The following LRBA variants were observed in gnomAD, a reference collection of about 807,000 sequenced individuals.
The protein encoded by LRBA is LPS responsive beige-like anchor protein.
A neutral mutation model predicts 330.0 loss-of-function variants in LRBA; 176 were observed. The observed-to-expected ratio is 0.53, with a 90% CI of 0.47 to 0.60. The LOEUF is 0.60. Among genes scored for constraint, LRBA ranks in the 20% least tolerant of loss-of-function variants. The pLI is 0.00. For synonymous variants in LRBA, 1,230 were observed against 1,193.0 expected, an observed-to-expected ratio of 1.03 and a Z score of -0.64; for missense variants, 3,259 against 3,444.8, an observed-to-expected ratio of 0.95 and a Z score of 1.35.
Position 150,321,454 on chromosome 4 carries a change from G to A in LRBA, c.7453-86C>T. 8.4e-7 allele frequency: 1 copy of A among 1,188,954 alleles called. No individual in the cohort carries two copies. The highest frequency in any genetic ancestry group is 1.2e-6 in the Non-Finnish European group (1 of 863,778). 73.7% of individuals were successfully genotyped at this position (1,188,954 alleles called of 1,614,324 possible). ...ATGAAGAAAGACAAGAAAGAGAGGG[G>A]GTGCAGGAAAAGAAGAGGAAGACCA... On this transcript the variant is annotated intron_variant, in intron 49 of 56. Transcript: ENST00000651943. The surrounding 1 kb of genome is among the most constrained non-coding windows in gnomAD (Gnocchi z 4.5).
intron 36 of LRBA, among the ~76,000 whole-genome samples, chr4:150,710,305 G>GA (rs1383520215): frequency 2.0e-5 from 3 of 151,978 alleles, no homozygotes; most frequent in Non-Finnish European, 4.4e-5. Context: ...TCTCAGATGG[G>GA]AAAAAATGGA....
chr4:150,959,821 AATAT>A (rs1422464260), intron 2 of LRBA, among the ~76,000 whole-genome samples: 3 of 145,876 alleles, frequency 2.1e-5, no homozygotes, highest in Non-Finnish European at 4.5e-5. Context: ...AAAGTATATA[AATAT>A]ATAAAAGAAT....
At chr4:150,334,254 C>T (rs916250553) in intron 48 of LRBA, among the ~76,000 whole-genome samples, 5 of 151,904 alleles carry the variant, frequency 3.3e-5, no homozygotes, top group Admixed American at 3.3e-4. Flanking sequence ...AAAATGGATA[C>T]ACCAGGATAT....
At chr4:150,524,011 CTTACT>C (rs1367158532) in intron 40 of LRBA, among the ~76,000 whole-genome samples, 1 of 152,082 alleles carries the variant, frequency 6.6e-6, no homozygotes, top group African/African-American at 2.4e-5. Context: ...ATGTTGTTGT[CTTACT>C]TTAGAGAATA....
intron 36 of LRBA, among the ~76,000 whole-genome samples, chr4:150,706,602 A>C (rs1327631184): frequency 6.6e-6 from 1 of 151,534 alleles, no homozygotes; most frequent in Non-Finnish European, 1.5e-5. Flanking sequence ...CATTTAACAA[A>C]AAAAAAAAAT....
chr4:150,842,591 G>T (rs186158309), intron 28 of LRBA, among the ~76,000 whole-genome samples: 97 of 152,246 alleles, frequency 6.4e-4, no homozygotes, highest in African/African-American at 2.3e-3. Flanking sequence ...ACATTCAAAG[G>T]ATTCCAGGGA....
intron 44 of LRBA, among the ~76,000 whole-genome samples, chr4:150,465,817 G>C (rs1755377574): frequency 2.6e-5 from 4 of 152,084 alleles, no homozygotes; most frequent in African/African-American, 9.6e-5. Context: ...AGTAGATATA[G>C]AAACTGGTAC....
chr4:150,833,010 G>A (rs1014374882), intron 28 of LRBA, among the ~76,000 whole-genome samples: 1 of 151,892 alleles, frequency 6.6e-6, no homozygotes, highest in Non-Finnish European at 1.5e-5. Flanking sequence ...TCTTGGCCTC[G>A]AGCAATCCTC....
chr4:150,301,722 A>C lies in LRBA; in HGVS notation c.8017+903T>G, dbSNP rs533616620. 2.6e-5 allele frequency among the ~76,000 whole-genome samples: 4 copies of C among 152,268 alleles called. No individual in the cohort carries two copies. In the South Asian group the frequency reaches 6.2e-4, roughly 24 times the overall value. Reference sequence around the variant, plus strand: ...CAATCTGGGGTGGAGTGACAGAGCAAGGACCGGGTATTCAGGTAAAGTCAT... The same window carrying C: ...CAATCTGGGGTGGAGTGACAGAGCACGGACCGGGTATTCAGGTAAAGTCAT... On this transcript the variant is annotated intron_variant, in intron 53 of 56. Coordinates refer to ENST00000651943, the MANE Select transcript of LRBA (RefSeq NM_001364905.1).
At position 150,958,461 on chromosome 4, in the gene LRBA, G is replaced by T. The variant is rs572301081; in HGVS notation, c.217-29396C>A. ...CCACTTTTTCCTCCCAGGACTCCAG[G>T]CCTGTGATGGGAGGGGCTTCTGTGA... On this transcript the variant is annotated intron_variant, in intron 2 of 56. Transcript: ENST00000651943. Among the ~76,000 whole-genome samples the T allele has an allele frequency of 4.7e-5, 7 of 149,268 alleles. 1 individual carries two copies. Among genetic ancestry groups the T allele is most frequent in the Middle Eastern group, 6.8e-3 (2 of 294 alleles).
intron 47 of LRBA, among the ~76,000 whole-genome samples, chr4:150,351,914 T>C (rs1232260678): frequency 6.6e-6 from 1 of 152,164 alleles, no homozygotes; most frequent in Non-Finnish European, 1.5e-5. Context: ...AACAATGATA[T>C]ACTGTAAAGA....
At chr4:150,828,977 C>G (rs982552604) in intron 29 of LRBA, among the ~76,000 whole-genome samples, 3 of 148,372 alleles carry the variant, frequency 2.0e-5, no homozygotes, top group African/African-American at 7.5e-5. Context: ...GTCTGTTGCC[C>G]AGGCTGAAGT....
chr4:150,985,561 C>A (rs1319183958), intron 2 of LRBA, among the ~76,000 whole-genome samples: 3 of 151,224 alleles, frequency 2.0e-5, no homozygotes, highest in Non-Finnish European at 4.4e-5. Flanking sequence ...TGCAGTGGCA[C>A]CATCTCGGCT....
At chr4:150,349,557 G>C (rs1355117834) in intron 48 of LRBA, among the ~76,000 whole-genome samples, 1 of 152,076 alleles carries the variant, frequency 6.6e-6, no homozygotes, top group Non-Finnish European at 1.5e-5. Flanking sequence ...ACATAGGAAA[G>C]ATTTGGACTT....
chr4:150,974,847 C>T (rs1739972883), intron 2 of LRBA, among the ~76,000 whole-genome samples: 1 of 152,118 alleles, frequency 6.6e-6, no homozygotes, highest in Non-Finnish European at 1.5e-5. Flanking sequence ...AGACTAGCCC[C>T]TGAGTGGCAT....
At chr4:150,731,558 G>A (rs563847622) in intron 36 of LRBA, among the ~76,000 whole-genome samples, 5 of 152,202 alleles carry the variant, frequency 3.3e-5, no homozygotes, top group South Asian at 2.1e-4. Context: ...GACAAACATC[G>A]CATGTTCTCA....
In LRBA at chr4:150,981,314, G is replaced by A. The variant is rs897075382; in HGVS notation, c.216+33113C>T. Reference sequence around the variant, plus strand: ...TGTAGTCCCAGCTACTCTGGAGGCTGAGGTGGGAGAATCGCCTGAACCTGG... The same window carrying A: ...TGTAGTCCCAGCTACTCTGGAGGCTAAGGTGGGAGAATCGCCTGAACCTGG... On this transcript the variant is annotated intron_variant, in intron 2 of 56. Transcript: ENST00000651943. 2.0e-5 allele frequency among the ~76,000 whole-genome samples: 3 copies of A among 151,522 alleles called. 1 individual carries two copies. In the South Asian group the frequency reaches 6.3e-4, roughly 32 times the overall value.
intron 48 of LRBA, among the ~76,000 whole-genome samples, chr4:150,328,417 CTTG>C (rs1561020937): frequency 1.3e-5 from 2 of 151,802 alleles, no homozygotes; most frequent in African/African-American, 4.8e-5. Context: ...ATCTTTCTCT[CTTG>C]TTGTATATGT....
intron 2 of LRBA, among the ~76,000 whole-genome samples, chr4:150,992,299 G>A (rs531304344): frequency 1.3e-4 from 18 of 141,888 alleles, no homozygotes; most frequent in African/African-American, 4.3e-4. Context: ...CTGGGCAACA[G>A]AGCGAGACTC....
Sources: allele counts gnomAD v4.1 joint callset (sites outside exome capture counted in the v4.1 genomes callset), GRCh38; gene constraint gnomAD v4.1.1; non-coding constraint Gnocchi (gnomAD v3.1); transcripts MANE v1.5; gene names NCBI Gene and HGNC (gene_info 2026-07-23, HGNC 2026-07-21).